The following APBB2 variants were observed in gnomAD, a reference collection of about 807,000 sequenced individuals.
The protein encoded by APBB2 is amyloid beta precursor protein binding family B member 2.
APBB2 carries 38 observed loss-of-function variants against 82.5 expected under a neutral mutation model. The ratio of observed to expected loss-of-function variants is 0.46; its 90% confidence interval spans 0.36 to 0.60. The LOEUF (loss-of-function observed/expected upper bound fraction) is 0.60. Ranked by LOEUF, APBB2 falls within the 20% of genes least tolerant of loss-of-function variation. The pLI is 0.00. For synonymous variants in APBB2, 341 were observed against 368.2 expected, an observed-to-expected ratio of 0.93 and a Z score of 0.85; for missense variants, 772 against 972.3, an observed-to-expected ratio of 0.79 and a Z score of 2.74.
At chr4:40,824,223 A>C (rs1223100393) in intron 15 of APBB2, among the ~76,000 whole-genome samples, 1 of 152,204 alleles carries the variant, frequency 6.6e-6, no homozygotes, top group East Asian at 1.9e-4. Flanking sequence ...AGTCAGGAGA[A>C]GCTCCGGGGA....
chr4:41,088,543 T>C (rs1176322398), intron 3 of APBB2, among the ~76,000 whole-genome samples: 1 of 152,168 alleles, frequency 6.6e-6, no homozygotes, highest in African/African-American at 2.4e-5. Flanking sequence ...AGATAAGAAA[T>C]GGAAACTAGC....
At chr4:41,069,094 C>T (rs1579745354) in intron 3 of APBB2, among the ~76,000 whole-genome samples, 1 of 151,958 alleles carries the variant, frequency 6.6e-6, no homozygotes, top group South Asian at 2.1e-4. Context: ...ATGCCTGGCC[C>T]TACCCACCAT....
At chr4:41,164,027 G>C (rs1307797865) in intron 1 of APBB2, among the ~76,000 whole-genome samples, 1 of 152,160 alleles carries the variant, frequency 6.6e-6, no homozygotes, top group Non-Finnish European at 1.5e-5. Flanking sequence ...TAAACAAAAT[G>C]CTTGGGATCA....
At chr4:41,163,974 TTA>T (rs1197789020) in intron 1 of APBB2, among the ~76,000 whole-genome samples, 1 of 152,186 alleles carries the variant, frequency 6.6e-6, no homozygotes, top group East Asian at 1.9e-4. Context: ...AGGAAATTAA[TTA>T]TAAAGAAAAG....
intron 1 of APBB2, among the ~76,000 whole-genome samples, chr4:41,182,107 A>G (rs572802428): frequency 1.3e-5 from 2 of 152,298 alleles, no homozygotes; most frequent in African/African-American, 4.8e-5. Context: ...AGATCTTTCC[A>G]TCTCTAGCAT....
At chr4:41,087,235 T>C (rs529007323) in intron 3 of APBB2, among the ~76,000 whole-genome samples, 3 of 152,240 alleles carry the variant, frequency 2.0e-5, no homozygotes, top group Non-Finnish European at 4.4e-5. Context: ...AAGTCATCTA[T>C]ACTACTTAAA....
At chr4:41,051,335 A>G (rs1460647586) in intron 4 of APBB2, among the ~76,000 whole-genome samples, 2 of 152,256 alleles carry the variant, frequency 1.3e-5, no homozygotes, top group Non-Finnish European at 2.9e-5. Flanking sequence ...AAAAACTCAC[A>G]GAAATCTGTT....
At chr4:41,049,422 G>A (rs1248830076) in intron 4 of APBB2, among the ~76,000 whole-genome samples, 1 of 149,908 alleles carries the variant, frequency 6.7e-6, no homozygotes, top group Non-Finnish European at 1.5e-5. Flanking sequence ...GGAGATGGGG[G>A]ACAGCCCCGC....
At chr4:40,907,379 ATTT>A (rs55814804) in intron 10 of APBB2, among the ~76,000 whole-genome samples, 320 of 37,070 alleles carry the variant, frequency 8.6e-3, no homozygotes, top group South Asian at 0.019. Context: ...ATATATATAT[ATTT>A]TTTTTTTTTT....
intron 1 of APBB2, among the ~76,000 whole-genome samples, chr4:41,163,067 A>T (rs1181740591): frequency 6.6e-6 from 1 of 152,220 alleles, no homozygotes; most frequent in Non-Finnish European, 1.5e-5. Context: ...AAGAATTTCC[A>T]GGATAAGGTA....
At chr4:41,078,723 G>A (rs900220976) in intron 3 of APBB2, among the ~76,000 whole-genome samples, 1 of 152,108 alleles carries the variant, frequency 6.6e-6, no homozygotes, top group Non-Finnish European at 1.5e-5. Context: ...AAACACCTTG[G>A]CCACTGTAAC....
intron 12 of APBB2, among the ~76,000 whole-genome samples, chr4:40,853,592 G>A (rs1760192440): frequency 6.6e-6 from 1 of 152,066 alleles, no homozygotes; most frequent in Admixed American, 6.5e-5. Flanking sequence ...TGGGATTACA[G>A]GCACGCACCA....
At chr4:41,140,702 C>T (rs1397276295) in intron 2 of APBB2, among the ~76,000 whole-genome samples, 1 of 152,202 alleles carries the variant, frequency 6.6e-6, no homozygotes, top group African/African-American at 2.4e-5. Flanking sequence ...GTCTCCATCG[C>T]TCACGTTACC....
intron 5 of APBB2, among the ~76,000 whole-genome samples, chr4:41,023,560 C>G (rs1447621497): frequency 6.6e-6 from 1 of 152,118 alleles, no homozygotes; most frequent in East Asian, 1.9e-4. Context: ...GGAGCCAAAT[C>G]AGAAACACAA....
intron 6 of APBB2, among the ~76,000 whole-genome samples, chr4:40,975,479 T>C (rs1796924044): frequency 6.6e-6 from 1 of 152,182 alleles, no homozygotes. Flanking sequence ...ATTGTCTGAC[T>C]TCTGCAATAG....
intron 6 of APBB2, among the ~76,000 whole-genome samples, chr4:40,970,380 A>G (rs560644260): frequency 1.3e-5 from 2 of 151,432 alleles, no homozygotes; most frequent in African/African-American, 4.9e-5. Flanking sequence ...TTTCAATCTC[A>G]TTTTTTTTCT....
chr4:40,973,827 G>C (rs751359830), intron 6 of APBB2, among the ~76,000 whole-genome samples: 2 of 150,056 alleles, frequency 1.3e-5, no homozygotes, highest in Non-Finnish European at 3.0e-5. Flanking sequence ...TCTTTCTTCT[G>C]TGTGTGTGTC....
chr4:41,110,179 G>A (rs1036720679), intron 2 of APBB2, among the ~76,000 whole-genome samples: 1 of 152,196 alleles, frequency 6.6e-6, no homozygotes, highest in African/African-American at 2.4e-5. Context: ...TGCAGCACAT[G>A]CAAGCCGGAA....
chr4:41,110,551 C>T (rs959560243), intron 2 of APBB2, among the ~76,000 whole-genome samples: 11 of 149,924 alleles, frequency 7.3e-5, no homozygotes, highest in Non-Finnish European at 8.9e-5. Context: ...TGCAGTGAGC[C>T]GAGATCGCAC....
Sources: gnomAD v4.1 joint callset for allele counts (sites outside exome capture counted in the v4.1 genomes callset) on GRCh38, gnomAD v4.1.1 for gene constraint, MANE v1.5 for transcripts, NCBI Gene and HGNC (gene_info 2026-07-23, HGNC 2026-07-21) for gene names.